The following CCDC60 variants were observed in gnomAD, a reference collection of about 807,000 sequenced individuals.
CCDC60 encodes the protein coiled-coil domain-containing protein 60.
A neutral mutation model predicts 63.5 loss-of-function variants in CCDC60; 54 were observed. That is an observed-to-expected ratio of 0.85 (90% CI 0.68 to 1.07). The LOEUF (loss-of-function observed/expected upper bound fraction) is 1.07, where lower values mean the gene tolerates loss of function less well. Ranked by LOEUF, CCDC60 falls within the 50% of genes least tolerant of loss-of-function variation. CCDC60 has a pLI of 0.00. For missense variants in CCDC60, 651 were observed against 684.3 expected, an observed-to-expected ratio of 0.95 and a Z score of 0.54; for synonymous variants, 206 against 238.8, an observed-to-expected ratio of 0.86 and a Z score of 1.27.
At chr12:119,453,663 TC>T (rs1275777643) in intron 2 of CCDC60, among the ~76,000 whole-genome samples, 1 of 152,144 alleles carries the variant, frequency 6.6e-6, no homozygotes, top group African/African-American at 2.4e-5. Context: ...AAGTGCCACT[TC>T]CCAGAACTCT....
At chr12:119,378,953 AG>A (rs1955981955) in intron 1 of CCDC60, among the ~76,000 whole-genome samples, 1 of 152,180 alleles carries the variant, frequency 6.6e-6, no homozygotes, top group African/African-American at 2.4e-5. Context: ...TGCTCAGCCC[AG>A]GGCCAACACA....
chr12:119,410,690 A>G lies in CCDC60; in HGVS notation c.91-17993A>G, dbSNP rs1183379175. Among the ~76,000 whole-genome samples the G allele has an allele frequency of 6.6e-6, 1 of 152,200 alleles. No homozygotes were observed. Among genetic ancestry groups the G allele is most frequent in the East Asian group, 1.9e-4 (1 of 5,188 alleles). ...AAAAGTAAAACCCTTTACCTCACCC[A>G]TCACAGTTCTTGGATGATATCCCCA... On this transcript the variant is annotated intron_variant, in intron 1 of 13. Coordinates refer to ENST00000327554, the MANE Select transcript of CCDC60 (RefSeq NM_178499.5). This position sits in a 1 kb window ranked among gnomAD's most constrained non-coding sequence, Gnocchi z 4.0.
chr12:119,504,710 T>C (rs1325735728), intron 6 of CCDC60, among the ~76,000 whole-genome samples: 1 of 152,156 alleles, frequency 6.6e-6, no homozygotes, highest in Non-Finnish European at 1.5e-5. Context: ...TCAACTCCAA[T>C]AGTTATTACA....
chr12:119,358,319 C>A (rs1056637871), intron 1 of CCDC60, among the ~76,000 whole-genome samples: 4 of 152,162 alleles, frequency 2.6e-5, no homozygotes, highest in African/African-American at 7.2e-5. Context: ...AAAGCCTCCA[C>A]CCTCATGGAT....
rs552418805 is a variant in CCDC60 at position 119,540,719 on chromosome 12, G to A, written c.*4G>A. On this transcript the variant is annotated 3_prime_UTR_variant, in exon 14 of 14. Coordinates refer to ENST00000327554, the MANE Select transcript of CCDC60 (RefSeq NM_178499.5). ...GCCCTACAGCGCCCTGAGGTAGGCT[G>A]GGCCTGGGTTGACCAGCTGTCTCAG... 7.5e-6 allele frequency: 12 copies of A among 1,606,832 alleles called. No homozygotes were observed. The highest frequency in any genetic ancestry group is 1.0e-5 in the Non-Finnish European group (12 of 1,174,376).
chr12:119,486,634 G>A (rs1162698610), intron 4 of CCDC60, among the ~76,000 whole-genome samples: 2 of 152,208 alleles, frequency 1.3e-5, no homozygotes, highest in East Asian at 3.8e-4. Context: ...CTCCAGGGAA[G>A]AAAGGAAAGA....
intron 1 of CCDC60, among the ~76,000 whole-genome samples, chr12:119,365,180 G>A (rs1057067887): frequency 9.1e-4 from 139 of 152,252 alleles, no homozygotes; most frequent in African/African-American, 3.0e-3. Context: ...AGCAGGATTC[G>A]AACCCAGCTC....
chr12:119,507,531 TATATATACAC>T (rs1952046855), intron 7 of CCDC60, among the ~76,000 whole-genome samples: 2 of 108,356 alleles, frequency 1.8e-5, no homozygotes, highest in Non-Finnish European at 3.6e-5. Context: ...TATATACACA[TATATATACAC>T]ATATATATAC....
At chr12:119,372,757 G>A (rs1955910612) in intron 1 of CCDC60, among the ~76,000 whole-genome samples, 1 of 152,028 alleles carries the variant, frequency 6.6e-6, no homozygotes, top group Non-Finnish European at 1.5e-5. Flanking sequence ...CACTAAACAA[G>A]CCACAATGCC....
At chr12:119,376,057 C>T (rs761618836) in intron 1 of CCDC60, among the ~76,000 whole-genome samples, 1 of 152,160 alleles carries the variant, frequency 6.6e-6, no homozygotes, top group Non-Finnish European at 1.5e-5. Flanking sequence ...TGGAAGAGAG[C>T]CCACACACCC....
At chr12:119,495,675 C>G (rs547277743) in intron 5 of CCDC60, among the ~76,000 whole-genome samples, 1 of 152,060 alleles carries the variant, frequency 6.6e-6, no homozygotes, top group South Asian at 2.1e-4. Flanking sequence ...TTAGTTTTCC[C>G]TTATCTTGTG....
intron 1 of CCDC60, among the ~76,000 whole-genome samples, chr12:119,364,771 G>T (rs1314797803): frequency 6.6e-6 from 1 of 152,186 alleles, no homozygotes; most frequent in Admixed American, 6.5e-5. Context: ...ATCTCCCTTT[G>T]GACAACCGCA....
intron 1 of CCDC60, among the ~76,000 whole-genome samples, chr12:119,358,527 G>C (rs528055872): frequency 6.6e-6 from 1 of 152,264 alleles, no homozygotes; most frequent in South Asian, 2.1e-4. Context: ...CAAGTAGTCT[G>C]TTATAGCAGC....
intron 13 of CCDC60, among the ~76,000 whole-genome samples, chr12:119,534,467 T>G (rs563592622): frequency 1.7e-4 from 26 of 152,334 alleles, no homozygotes; most frequent in African/African-American, 5.3e-4. Context: ...ATAGGAGTGG[T>G]GAGAGACGGC....
intron 4 of CCDC60, among the ~76,000 whole-genome samples, chr12:119,482,943 T>C (rs1300501206): frequency 2.0e-5 from 3 of 152,082 alleles, no homozygotes; most frequent in Non-Finnish European, 4.4e-5. Context: ...CTCAGACTTG[T>C]TCACATGGCA....
rs186028384 is a variant in CCDC60, at chr12:119,531,178, C to T, written c.1551+115C>T. On this transcript the variant is annotated intron_variant, in intron 13 of 13. Transcript: ENST00000327554. ...CACAAAGTCCCCTGCCTTTATGGAG[C>T]TCATATTCTAATAGTAGAGGGATTG... 8.0e-4 allele frequency: 697 copies of T among 868,178 alleles called. 7 individuals carry two copies. The African/African-American group carries it at 0.01, about 13-fold the overall frequency. 53.8% of individuals were successfully genotyped at this position (868,178 alleles called of 1,614,324 possible).
chr12:119,419,413 C>T (rs1032003360), intron 1 of CCDC60, among the ~76,000 whole-genome samples: 2 of 152,218 alleles, frequency 1.3e-5, no homozygotes, highest in East Asian at 1.9e-4. Context: ...GTAGGCGATG[C>T]TGTGCCCTTC....
chr12:119,430,402 CA>C, intron 2 of CCDC60, among the ~76,000 whole-genome samples: 1 of 152,096 alleles, frequency 6.6e-6, no homozygotes, highest in South Asian at 2.1e-4. Flanking sequence ...TGTGGTGGCT[CA>C]AGCCTGTAAT....
intron 1 of CCDC60, among the ~76,000 whole-genome samples, chr12:119,338,488 G>A (rs535887977): frequency 6.6e-6 from 1 of 152,252 alleles, no homozygotes; most frequent in African/African-American, 2.4e-5. Flanking sequence ...GAGAGGACAG[G>A]TCCCTTACCC....
Sources: allele counts gnomAD v4.1 joint callset (sites outside exome capture counted in the v4.1 genomes callset), GRCh38; gene constraint gnomAD v4.1.1; non-coding constraint Gnocchi (gnomAD v3.1); transcripts MANE v1.5; gene names NCBI Gene and HGNC (gene_info 2026-07-23, HGNC 2026-07-21).